The following NEGR1 variants were observed in gnomAD, a reference collection of about 807,000 sequenced individuals.
NEGR1 encodes IgLON family member 4.
Under a neutral mutation model 40.9 loss-of-function variants are expected in NEGR1, and 10 were observed. That is an observed-to-expected ratio of 0.24 (90% CI 0.15 to 0.42). The LOEUF (loss-of-function observed/expected upper bound fraction) is 0.42. Ranked by LOEUF, NEGR1 falls within the 10% of genes least tolerant of loss-of-function variation. The pLI, the probability that NEGR1 is intolerant of heterozygous loss-of-function variation, is 1.00. For synonymous variants in NEGR1, 185 were observed against 166.8 expected (o/e 1.11, Z -0.84); for missense variants, 352 against 438.9 (o/e 0.80, Z 1.77).
intron 5 of NEGR1, among the ~76,000 whole-genome samples, chr1:71,605,868 G>C (rs1435334966): frequency 1.3e-5 from 2 of 152,108 alleles, no homozygotes; most frequent in Non-Finnish European, 2.9e-5. Context: ...TTAATAACTA[G>C]TATATAGCAT....
intron 1 of NEGR1, among the ~76,000 whole-genome samples, chr1:71,973,716 G>C (rs1353123378): frequency 6.6e-6 from 1 of 152,232 alleles, no homozygotes; most frequent in Admixed American, 6.5e-5. Flanking sequence ...GTGCTAAAAT[G>C]TGAATGAAAT....
intron 2 of NEGR1, among the ~76,000 whole-genome samples, chr1:71,796,829 A>T (rs868076686): frequency 9.9e-5 from 15 of 152,266 alleles, no homozygotes; most frequent in Middle Eastern, 3.4e-3. Context: ...GGGGACACAA[A>T]TTCACTTCCG....
intron 6 of NEGR1, among the ~76,000 whole-genome samples, chr1:71,572,167 TC>T (rs1462920992): frequency 6.6e-6 from 1 of 152,184 alleles, no homozygotes; most frequent in Admixed American, 6.5e-5. Flanking sequence ...TAACAAGCCA[TC>T]TAAGCATTGG....
At chr1:71,786,688 G>A (rs1656921461) in intron 2 of NEGR1, among the ~76,000 whole-genome samples, 2 of 152,036 alleles carry the variant, frequency 1.3e-5, no homozygotes, top group South Asian at 4.1e-4. Context: ...TAGTTGGTTT[G>A]TGTGGTGGTT....
At chr1:72,247,718 C>G (rs1429619136) in intron 1 of NEGR1, among the ~76,000 whole-genome samples, 1 of 152,176 alleles carries the variant, frequency 6.6e-6, no homozygotes, top group Admixed American at 6.5e-5. Context: ...CCTCCAAACT[C>G]TTCCAACCTC....
intron 1 of NEGR1, among the ~76,000 whole-genome samples, chr1:71,972,783 G>A (rs10493489): frequency 0.43 from 64,993 of 151,916 alleles, 14,428 homozygotes; most frequent in Middle Eastern, 0.57. Context: ...AACTGAGTAT[G>A]GATGATTGCA....
chr1:71,559,420 G>A (rs74842540), intron 6 of NEGR1, among the ~76,000 whole-genome samples: 1,793 of 151,498 alleles, frequency 0.012, 25 homozygotes, highest in South Asian at 0.028. Context: ...TGATTCATTT[G>A]TTACACAGTT....
intron 6 of NEGR1, among the ~76,000 whole-genome samples, chr1:71,458,700 T>C (rs755801044): frequency 1.3e-5 from 2 of 152,214 alleles, no homozygotes; most frequent in Non-Finnish European, 2.9e-5. Flanking sequence ...AGTGGATGAA[T>C]GACTGAATTA....
At chr1:71,714,899 C>T (rs554724534) in intron 3 of NEGR1, among the ~76,000 whole-genome samples, 9 of 152,308 alleles carry the variant, frequency 5.9e-5, no homozygotes, top group Middle Eastern at 3.4e-3. Context: ...TGGCCCTCTT[C>T]CAACAGCTAC....
chr1:71,538,349 G>T (rs1429110255), intron 6 of NEGR1, among the ~76,000 whole-genome samples: 2 of 151,642 alleles, frequency 1.3e-5, no homozygotes, highest in African/African-American at 4.8e-5. Flanking sequence ...TTGGTTTCTA[G>T]GTTGTTATTT....
intron 4 of NEGR1, among the ~76,000 whole-genome samples, chr1:71,674,935 C>G (rs1463309651): frequency 6.6e-6 from 1 of 151,216 alleles, no homozygotes; most frequent in Non-Finnish European, 1.5e-5. Context: ...ACCTTGAAAC[C>G]TGCCTGTTTT....
At chr1:71,708,213 A>G (rs1653968483) in intron 3 of NEGR1, among the ~76,000 whole-genome samples, 1 of 152,132 alleles carries the variant, frequency 6.6e-6, no homozygotes, top group Admixed American at 6.5e-5. Flanking sequence ...CCTTTCAAAC[A>G]GAGGATTCAA....
intron 1 of NEGR1, among the ~76,000 whole-genome samples, chr1:72,032,632 T>G (rs1161791457): frequency 5.9e-5 from 9 of 152,162 alleles, no homozygotes; most frequent in Non-Finnish European, 1.3e-4. Context: ...CATAAAATCT[T>G]TTTACAGAAT....
At chr1:71,977,387 C>G (rs931521598) in intron 1 of NEGR1, among the ~76,000 whole-genome samples, 1 of 151,902 alleles carries the variant, frequency 6.6e-6, no homozygotes, top group African/African-American at 2.4e-5. Context: ...CTAGAAAGTG[C>G]CTGCTTGTCC....
intron 1 of NEGR1, among the ~76,000 whole-genome samples, chr1:72,198,362 CTT>C: frequency 6.6e-6 from 1 of 152,064 alleles, no homozygotes; most frequent in African/African-American, 2.4e-5. Flanking sequence ...ACTGAAAAGA[CTT>C]AAGCCATGAG....
chr1:71,896,213 T>G (rs906844855), intron 2 of NEGR1, among the ~76,000 whole-genome samples: 3 of 151,976 alleles, frequency 2.0e-5, no homozygotes, highest in Admixed American at 1.3e-4. Flanking sequence ...AATTTTTGTG[T>G]TTTTAGTAGA....
intron 3 of NEGR1, among the ~76,000 whole-genome samples, chr1:71,714,095 G>T (rs1407356046): frequency 1.3e-5 from 2 of 152,122 alleles, no homozygotes; most frequent in Admixed American, 6.5e-5. Context: ...CCACATGGCT[G>T]GGGAGACCTC....
At chr1:71,973,324 A>G (rs1646274494) in intron 1 of NEGR1, among the ~76,000 whole-genome samples, 1 of 151,588 alleles carries the variant, frequency 6.6e-6, no homozygotes, top group Non-Finnish European at 1.5e-5. Context: ...TCAAAAGAAA[A>G]AAAAAAAAAA....
At chr1:71,828,158 A>G (rs1386716391) in intron 2 of NEGR1, among the ~76,000 whole-genome samples, 2 of 151,968 alleles carry the variant, frequency 1.3e-5, no homozygotes, top group African/African-American at 2.4e-5. Flanking sequence ...ATAAATAATT[A>G]GTTGCTCTTG....
Sources: gnomAD v4.1 joint callset for allele counts (sites outside exome capture counted in the v4.1 genomes callset) on GRCh38, gnomAD v4.1.1 for gene constraint, MANE v1.5 for transcripts, NCBI Gene and HGNC (gene_info 2026-07-23, HGNC 2026-07-21) for gene names.